Variants in UHRF1 observed in about 807,000 individuals in gnomAD.
The protein encoded by UHRF1 is ubiquitin like with PHD and ring finger domains 1.
UHRF1 carries 9 observed loss-of-function variants against 96.5 expected under a neutral mutation model. The observed-to-expected ratio is 0.09, with a 90% CI of 0.06 to 0.16. The LOEUF (loss-of-function observed/expected upper bound fraction) is 0.16. Ranked by LOEUF, UHRF1 falls within the 10% of genes least tolerant of loss-of-function variation. UHRF1 has a pLI of 1.00. For synonymous variants in UHRF1, 455 were observed against 469.9 expected (o/e 0.97, Z 0.41); for missense variants, 626 against 1,131.1 (o/e 0.55, Z 6.40).
At chr19:4,933,045 C>T (rs542034543) in intron 5 of UHRF1, 89 bp downstream of exon 5, 37 of 1,407,062 alleles carry the variant, frequency 2.6e-5, no homozygotes, top group Non-Finnish European at 3.0e-5. Flanking sequence ...GTCCAGCCAG[C>T]GCTGTGTGTG....
At chr19:4,940,002 C>T (rs371439290) in intron 5 of UHRF1, among the ~76,000 whole-genome samples, 4 of 142,280 alleles carry the variant, frequency 2.8e-5, no homozygotes, top group South Asian at 2.2e-4. Context: ...CCAGCCTGGG[C>T]GACAGAGCGA....
At chr19:4,959,883 CAG>C (rs956628119) in intron 16 of UHRF1, among the ~76,000 whole-genome samples, 7 of 152,128 alleles carry the variant, frequency 4.6e-5, no homozygotes, top group African/African-American at 1.7e-4. Flanking sequence ...CTTTGAGACG[CAG>C]AGTCTTGCCC....
chr19:4,927,551 A>G lies in UHRF1; in HGVS notation c.154-1671A>G, dbSNP rs1031826967. On this transcript the variant is annotated intron_variant, in intron 2 of 16. Coordinates refer to ENST00000650932, the MANE Select transcript of UHRF1 (RefSeq NM_001048201.3). ...ACAGCCGTCAGGCCTTGGATCCCCA[A>G]GGGGCGAAAGGAGGAAGAGCTGACA... Among the ~76,000 whole-genome samples the G allele has an allele frequency of 2.0e-5, 3 of 152,136 alleles. No individual in the cohort carries two copies. The East Asian group carries it at 5.8e-4, about 29-fold the overall frequency.
At chr19:4,904,241 C>T (rs1040594331) in intron 1 of UHRF1, among the ~76,000 whole-genome samples, 20 of 150,808 alleles carry the variant, frequency 1.3e-4, no homozygotes, top group African/African-American at 4.4e-4. Flanking sequence ...TGCAGTGGTG[C>T]GATCTCGGCT....
chr19:4,912,110 C>T (rs1020346839), intron 2 of UHRF1, among the ~76,000 whole-genome samples: 2 of 152,250 alleles, frequency 1.3e-5, no homozygotes, highest in Middle Eastern at 3.4e-3. Flanking sequence ...GCCCTCTTCC[C>T]GTAAGAGACG....
rs1010965693 is a variant in UHRF1, at chr19:4,932,294, C to T, written c.570-447C>T. Among the ~76,000 whole-genome samples the T allele has an allele frequency of 2.6e-5, 4 of 152,198 alleles. No homozygotes were observed. The South Asian group carries it at 6.2e-4, about 24-fold the overall frequency. ...TGTTGGTCAGGCTGGTCTTGAACTC[C>T]TGACCTCAGGTGATCTTCCCGCTTC... On this transcript the variant is annotated intron_variant, in intron 4 of 16. Transcript: ENST00000650932.
intron 5 of UHRF1, among the ~76,000 whole-genome samples, chr19:4,936,753 G>C (rs1292133618): frequency 6.7e-6 from 1 of 149,932 alleles, no homozygotes; most frequent in African/African-American, 2.5e-5. Context: ...GCTGCAGTGA[G>C]CCGTGATCAC....
chr19:4,913,252 C>CTTTTTT (rs4022195), intron 2 of UHRF1, among the ~76,000 whole-genome samples: 6 of 111,190 alleles, frequency 5.4e-5, no homozygotes, highest in Admixed American at 1.0e-4. Context: ...GTACATTGTG[C>CTTTTTT]TTTTTTTTTT....
At position 4,930,658 on chromosome 19, in the gene UHRF1, G is replaced by A; in HGVS notation, c.409-58G>A. On this transcript the variant is annotated intron_variant, in intron 3 of 16. Transcript: ENST00000650932. This position sits in a 1 kb window ranked among gnomAD's most constrained non-coding sequence, Gnocchi z 4.4. ...ATCCCAGTGTCCGAGAACCAAGGTG[G>A]TCTCCCGTCAGTTTTCCTCACCCCG... 1.1e-5 allele frequency: 18 copies of A among 1,573,616 alleles called. No individual in the cohort carries two copies. In the South Asian group the frequency reaches 1.9e-4, roughly 17 times the overall value.
upstream of UHRF1, among the ~76,000 whole-genome samples, chr19:4,905,218 G>A (rs140440566): frequency 0.015 from 2,090 of 140,928 alleles, 47 homozygotes; most frequent in African/African-American, 0.053. Flanking sequence ...CCAGGTTCAC[G>A]CCATTCTCCT....
chr19:4,961,820 T>A lies in UHRF1; in HGVS notation c.*1017T>A, dbSNP rs72988114. 8.3e-6 allele frequency: 1 copy of A among 120,376 alleles called. No homozygotes were observed. Among genetic ancestry groups the A allele is most frequent in the Non-Finnish European group, 2.0e-5 (1 of 49,898 alleles). 7.5% of individuals were successfully genotyped at this position (120,376 alleles called of 1,614,324 possible). Reference sequence around the variant, plus strand: ...TTAATGAACACATTTTCTAAATGAATTTTTTTTGTAGTTACTGTATATGTA... The same window carrying A: ...TTAATGAACACATTTTCTAAATGAAATTTTTTTGTAGTTACTGTATATGTA... On this transcript the variant is annotated 3_prime_UTR_variant, in exon 17 of 17. Coordinates refer to ENST00000650932, the MANE Select transcript of UHRF1 (RefSeq NM_001048201.3).
chr19:4,919,135 C>G (rs2032621018), intron 2 of UHRF1, among the ~76,000 whole-genome samples: 1 of 151,238 alleles, frequency 6.6e-6, no homozygotes, highest in Admixed American at 6.6e-5. Context: ...AGCAATCCTC[C>G]CACCACAGCC....
chr19:4,945,767 G>A (rs1026961256), intron 9 of UHRF1, 94 bp from the exon 10 acceptor site: 7 of 1,051,834 alleles, frequency 6.7e-6, no homozygotes, highest in Middle Eastern at 3.0e-4. Context: ...AAGTGAGGCC[G>A]CTGGCTGCTC....
At chr19:4,909,498 A>G (rs922495032), upstream of UHRF1, 1 of 656,660 alleles carries the variant, frequency 1.5e-6, no homozygotes. Context: ...CGGGAAAAAA[A>G]TCAGAGCAGC....
At chr19:4,919,786 T>C (rs1418225033) in intron 2 of UHRF1, among the ~76,000 whole-genome samples, 1 of 151,970 alleles carries the variant, frequency 6.6e-6, no homozygotes, top group African/African-American at 2.4e-5. Context: ...TCCATAATGG[T>C]AAATCTTCTT....
At position 4,950,882 on chromosome 19, in the gene UHRF1, G is replaced by C; in HGVS notation, c.1704G>C (p.Lys568Asn). Residue 568 changes from lysine to asparagine, a missense_variant, in exon 13 of 17, where the codon AAG (lysine) becomes AAC (asparagine). Lys to Asn is a moderately conservative substitution (Grantham distance 94, BLOSUM62 0). Coordinates refer to ENST00000650932, the MANE Select transcript of UHRF1 (RefSeq NM_001048201.3). ...IYKVVKYWPE[K>N]GKSGFLVWRY... ...AGGTTGTGAAATACTGGCCCGAGAA[G>C]GGGAAGTCCGGGTTTCTCGTGTGGC... 1 of 1,613,936 alleles carries C rather than the reference G, an allele frequency of 6.2e-7. No individual in the cohort carries two copies. The highest frequency in any genetic ancestry group is 8.5e-7 in the Non-Finnish European group (1 of 1,179,886).
rs71170880 is a variant in UHRF1 at position 4,938,730 on chromosome 19, G to GTTT, written c.786-2769_786-2767dup. Among the ~76,000 whole-genome samples, 329 of 61,586 alleles carry GTTT rather than the reference G, an allele frequency of 5.3e-3. 24 individuals carry two copies. The highest frequency in any genetic ancestry group is 8.6e-3 in the East Asian group (21 of 2,434). 40.4% of individuals were successfully genotyped at this position (61,586 alleles called of 152,430 possible). On this transcript the variant is annotated intron_variant, in intron 5 of 16. Coordinates refer to ENST00000650932, the MANE Select transcript of UHRF1 (RefSeq NM_001048201.3). ...GGCATAAGAGTTTTGTTTTGGTCAGGTTTTTTTTTTTTTTTTTTTTTTTTT... is the reference window on the plus strand; with the variant it reads ...GGCATAAGAGTTTTGTTTTGGTCAGGTTTTTTTTTTTTTTTTTTTTTTTTTTTT...
At chr19:4,915,752 T>C (rs1310383530) in intron 2 of UHRF1, among the ~76,000 whole-genome samples, 1 of 151,776 alleles carries the variant, frequency 6.6e-6, no homozygotes, top group Admixed American at 6.6e-5. Flanking sequence ...ACAAAAGAGG[T>C]GCAGGCCAGA....
At chr19:4,909,348 C>T (rs909512191), upstream of UHRF1, 9 of 592,476 alleles carry the variant, frequency 1.5e-5, no homozygotes, top group Non-Finnish European at 2.7e-5. Context: ...GCCCACTAGG[C>T]GGAGGCGCCG....
Sources: gnomAD v4.1 joint callset for allele counts (sites outside exome capture counted in the v4.1 genomes callset) on GRCh38, gnomAD v4.1.1 for gene constraint, Gnocchi (gnomAD v3.1) non-coding constraint, MANE v1.5 for transcripts, NCBI Gene and HGNC (gene_info 2026-07-23, HGNC 2026-07-21) for gene names.